The following RAP1GAP2 variants were observed in gnomAD, a reference collection of about 807,000 sequenced individuals.
RAP1GAP2 encodes RAP1 GTPase activating protein 2.
RAP1GAP2 carries 27 observed loss-of-function variants against 95.0 expected under a neutral mutation model. The ratio of observed to expected loss-of-function variants is 0.28; its 90% CI spans 0.21 to 0.39. The LOEUF is 0.39. Ranked by LOEUF, RAP1GAP2 falls within the 10% of genes least tolerant of loss-of-function variation. The pLI, the probability that RAP1GAP2 is intolerant of heterozygous loss-of-function variation, is 1.00. For synonymous variants in RAP1GAP2, 373 were observed against 380.9 expected (o/e 0.98, Z 0.24); for missense variants, 771 against 970.0 (o/e 0.79, Z 2.72).
intron 3 of RAP1GAP2, among the ~76,000 whole-genome samples, chr17:2,923,328 G>A (rs1467548551): frequency 1.3e-5 from 2 of 149,290 alleles, no homozygotes; most frequent in Middle Eastern, 3.4e-3. Context: ...GTGAGCCACC[G>A]CGCCCGGCCT....
intron 12 of RAP1GAP2, among the ~76,000 whole-genome samples, chr17:2,993,571 TA>T (rs60312244): frequency 5.7e-4 from 81 of 142,288 alleles, no homozygotes; most frequent in Middle Eastern, 3.9e-3. Flanking sequence ...AGACTCTGTC[TA>T]AAAAAAAAAA....
chr17:3,001,580 T>G, intron 14 of RAP1GAP2, among the ~76,000 whole-genome samples: 1 of 142,266 alleles, frequency 7.0e-6, no homozygotes. Context: ...GTGAGGCTCG[T>G]GGAGGTAACA....
At chr17:2,795,802 G>A (rs186752959), upstream of RAP1GAP2, among the ~76,000 whole-genome samples, 2 of 152,332 alleles carry the variant, frequency 1.3e-5, no homozygotes, top group East Asian at 3.9e-4. Flanking sequence ...GAAGTGGTGT[G>A]TGGATGTGCA....
intron 2 of RAP1GAP2, among the ~76,000 whole-genome samples, chr17:2,860,584 A>C (rs1597455692): frequency 1.5e-5 from 2 of 135,380 alleles, no homozygotes; most frequent in Admixed American, 7.5e-5. Context: ...TTTCCATTAT[A>C]CTTATTTATC....
At chr17:2,810,522 CT>C (rs1169922962) in intron 2 of RAP1GAP2, among the ~76,000 whole-genome samples, 129 of 69,428 alleles carry the variant, frequency 1.9e-3, no homozygotes, top group African/African-American at 5.8e-3. Flanking sequence ...TCCCCCCACC[CT>C]TTTTTTTTTT....
intron 3 of RAP1GAP2, among the ~76,000 whole-genome samples, chr17:2,914,385 T>C (rs2042497198): frequency 6.6e-6 from 1 of 152,258 alleles, no homozygotes; most frequent in South Asian, 2.1e-4. Flanking sequence ...ATTTTTCATA[T>C]GCTTATTGAC....
intron 11 of RAP1GAP2, among the ~76,000 whole-genome samples, chr17:2,985,446 C>T (rs959224484): frequency 6.6e-5 from 10 of 152,216 alleles, no homozygotes; most frequent in South Asian, 6.2e-4. Flanking sequence ...TTAGCTTTTT[C>T]TCCCCAAACT....
At chr17:3,020,104 C>T (rs1034847137) in intron 18 of RAP1GAP2, among the ~76,000 whole-genome samples, 7 of 152,154 alleles carry the variant, frequency 4.6e-5, no homozygotes, top group East Asian at 1.9e-4. Flanking sequence ...GCTTCCTTGC[C>T]GGTAAAGTGA....
intron 13 of RAP1GAP2, among the ~76,000 whole-genome samples, chr17:2,996,280 C>T (rs531633068): frequency 6.6e-6 from 1 of 152,336 alleles, no homozygotes; most frequent in East Asian, 1.9e-4. Flanking sequence ...GCTGCTCTGA[C>T]AGCCGTGCAT....
intron 1 of RAP1GAP2, among the ~76,000 whole-genome samples, chr17:2,767,112 C>T (rs960313968): frequency 9.9e-5 from 15 of 151,756 alleles, no homozygotes; most frequent in African/African-American, 3.6e-4. Context: ...GTCTGTAATC[C>T]CAGCACTTTG....
At chr17:2,985,872 T>C (rs2045541791) in intron 11 of RAP1GAP2, among the ~76,000 whole-genome samples, 2 of 152,256 alleles carry the variant, frequency 1.3e-5, no homozygotes, top group South Asian at 4.1e-4. Context: ...GGACACAAAC[T>C]TCCCATCTTC....
upstream of RAP1GAP2, among the ~76,000 whole-genome samples, chr17:2,795,190 CT>C (rs578206765): frequency 0.012 from 1,746 of 144,198 alleles, 24 homozygotes; most frequent in African/African-American, 0.037. Flanking sequence ...TCTTCTTCTT[CT>C]TTTTTTTTTT....
rs1468955940 is a variant in RAP1GAP2, at chr17:3,035,933, C to T, written c.*2572C>T. 1.3e-5 allele frequency: 2 copies of T among 152,364 alleles called. No homozygotes were observed. The highest frequency in any genetic ancestry group is 2.9e-5 in the Non-Finnish European group (2 of 68,044). The allele number at this position is 152,364 out of a possible 1,614,324, so 9.4% of individuals were successfully genotyped here. ...TGACTAGGCTCATCTAGATGGTGCT[C>T]ACGCTGGTGTTTGAGGCATTTCCAC... On this transcript the variant is annotated 3_prime_UTR_variant, in exon 25 of 25. Coordinates refer to ENST00000254695, the MANE Select transcript of RAP1GAP2 (RefSeq NM_015085.5). This position sits in a 1 kb window ranked among gnomAD's most constrained non-coding sequence, Gnocchi z 4.3.
chr17:2,781,891 CGTCTCTGTGTGTGCAG>C (rs2068668847), intron 1 of RAP1GAP2, among the ~76,000 whole-genome samples: 2 of 150,250 alleles, frequency 1.3e-5, no homozygotes, highest in South Asian at 4.3e-4. Flanking sequence ...TGTGTGTGCA[CGTCTCTGTGTGTGCAG>C]GTCTCTGTGT....
rs185055399 is a variant in RAP1GAP2, at chr17:2,970,307, A to G, written c.596+4664A>G. ...AAAAAAAAAAAAAAATAATAATAAT[A>G]CGTCCCTTGTTAATGACCATTGCCA... On this transcript the variant is annotated intron_variant, in intron 8 of 24. Transcript: ENST00000254695. Among the ~76,000 whole-genome samples, 849 of 150,566 alleles carry G rather than the reference A, an allele frequency of 5.6e-3. 6 individuals are homozygous for G. Among genetic ancestry groups the G allele is most frequent in the African/African-American group, 0.019 (783 of 40,622 alleles).
At chr17:2,865,702 A>G (rs941242992) in intron 2 of RAP1GAP2, among the ~76,000 whole-genome samples, 2 of 152,158 alleles carry the variant, frequency 1.3e-5, no homozygotes, top group African/African-American at 4.8e-5. Flanking sequence ...CCCCTTGTGG[A>G]TGGCCAGAAG....
chr17:2,851,839 C>A (rs775663423), intron 2 of RAP1GAP2, among the ~76,000 whole-genome samples: 31 of 152,158 alleles, frequency 2.0e-4, no homozygotes, highest in Non-Finnish European at 3.7e-4. Context: ...CCTCGGCCTT[C>A]CAAAGTGCTG....
At chr17:2,911,260 ATT>A (rs34227127) in intron 3 of RAP1GAP2, among the ~76,000 whole-genome samples, 1 of 132,018 alleles carries the variant, frequency 7.6e-6, no homozygotes, top group Non-Finnish European at 1.6e-5. Flanking sequence ...TTTGAAGGGG[ATT>A]TTTTTTTTTT....
intron 22 of RAP1GAP2, among the ~76,000 whole-genome samples, chr17:3,030,606 G>C (rs950356338): frequency 1.3e-5 from 2 of 152,204 alleles, no homozygotes; most frequent in Non-Finnish European, 2.9e-5. Context: ...TAAGAGCACA[G>C]ATAATCGTAA....
Sources: allele counts gnomAD v4.1 joint callset (sites outside exome capture counted in the v4.1 genomes callset), GRCh38; gene constraint gnomAD v4.1.1; non-coding constraint Gnocchi (gnomAD v3.1); transcripts MANE v1.5; gene names NCBI Gene and HGNC (gene_info 2026-07-23, HGNC 2026-07-21).